The following LIMS2 variants were observed in gnomAD, a reference collection of about 807,000 sequenced individuals.
LIMS2 encodes LIM and senescent cell antigen-like-containing domain protein 2.
In LIMS2, 30 loss-of-function variants were observed where a neutral mutation model predicts 45.3. The ratio of observed to expected loss-of-function variants is 0.66; its 90% CI spans 0.50 to 0.90. The LOEUF (loss-of-function observed/expected upper bound fraction) is 0.90. Ranked by LOEUF, LIMS2 falls within the 40% of genes least tolerant of loss-of-function variation. LIMS2 has a pLI of 0.00. For synonymous variants in LIMS2, 173 were observed against 188.0 expected, an observed-to-expected ratio of 0.92 and a Z score of 0.65; for missense variants, 485 against 468.7, an observed-to-expected ratio of 1.03 and a Z score of -0.32.
At chr2:127,651,072 C>G in intron 4 of LIMS2, 6 of 1,613,794 alleles carry the variant, frequency 3.7e-6, no homozygotes, top group Non-Finnish European at 5.1e-6. Context: ...CCTCTTCTAC[C>G]TCAACATGTA....
intron 4 of LIMS2, among the ~76,000 whole-genome samples, chr2:127,644,547 C>G (rs1682763430): frequency 6.6e-6 from 1 of 152,206 alleles, no homozygotes; most frequent in African/African-American, 2.4e-5. Context: ...CCTGCGGTGC[C>G]TCTGTCCCAG....
In LIMS2 at chr2:127,667,498, G is replaced by A. The variant is rs555264341; in HGVS notation, c.11+7516C>T. Among the ~76,000 whole-genome samples the A allele has an allele frequency of 2.0e-5, 3 of 152,256 alleles. No homozygotes were observed. Among genetic ancestry groups the A allele is most frequent in the South Asian group, 2.1e-4 (1 of 4,824 alleles). The stretch of plus-strand genomic sequence containing the variant: ...CACTCTATAAAAAGTATTATACACC[G>A]TGACCAAATGGGATTTATCCCAAGA... On this transcript the variant is annotated intron_variant, in intron 1 of 9. Transcript: ENST00000355119. This position sits in a 1 kb window ranked among gnomAD's most constrained non-coding sequence, Gnocchi z 4.1.
chr2:127,673,608 C>T, intron 1 of LIMS2: 4 of 1,476,508 alleles, frequency 2.7e-6, no homozygotes, highest in Non-Finnish European at 3.7e-6. Flanking sequence ...CCCATTCCAG[C>T]CCCGCACCCT....
chr2:127,655,102 C>T, intron 2 of LIMS2: 2 of 636,862 alleles, frequency 3.1e-6, no homozygotes, highest in South Asian at 3.6e-5. Flanking sequence ...GGAGGTGCCC[C>T]CGTGGAAGCT....
At position 127,673,664 on chromosome 2, in the gene LIMS2, C is replaced by T. The variant is rs970961365; in HGVS notation, c.11+1350G>A. 2.1e-5 allele frequency: 32 copies of T among 1,551,044 alleles called. No homozygotes were observed. Among genetic ancestry groups the T allele is most frequent in the Admixed American group, 5.9e-5 (3 of 50,986 alleles). ...ACATCCCTCCTGTGCCTGAAGGAAC[C>T]GCCTCTCACCCACCTCCACCTCAAT... is the stretch of plus-strand genomic sequence containing the variant. On this transcript the variant is annotated intron_variant, in intron 1 of 9. Coordinates refer to ENST00000355119, the MANE Select transcript of LIMS2 (RefSeq NM_001161403.3).
chr2:127,674,597 G>C (rs748114647), intron 1 of LIMS2: 21 of 979,538 alleles, frequency 2.1e-5, no homozygotes, highest in Middle Eastern at 5.2e-4. Flanking sequence ...GGAGGAAACG[G>C]AAGGCTCCAG....
rs1683106531 is a variant in LIMS2 at position 127,647,377 on chromosome 2, C to T, written c.360-4305G>A. 6.6e-6 allele frequency among the ~76,000 whole-genome samples: 1 copy of T among 152,164 alleles called. No individual in the cohort carries two copies. Among genetic ancestry groups the T allele is most frequent in the African/African-American group, 2.4e-5 (1 of 41,440 alleles). ...CACTTCCAGCTCCAGGGCCAATGTCCCCTGGTCAAGTGACCTAAGACAAGT... is the reference window on the plus strand; with the variant it reads ...CACTTCCAGCTCCAGGGCCAATGTCTCCTGGTCAAGTGACCTAAGACAAGT... On this transcript the variant is annotated intron_variant, in intron 4 of 9. Transcript: ENST00000355119. This position sits in a 1 kb window ranked among gnomAD's most constrained non-coding sequence, Gnocchi z 4.3.
rs1240531408 is a variant in LIMS2, at chr2:127,642,503, C to T, written c.510-304G>A. ...ACCAGAGGGGGTGTCTGGATAGGCA[C>T]GGAGAGGACTGGAGGGGACGGTGGG... On this transcript the variant is annotated intron_variant, in intron 5 of 9. Transcript: ENST00000355119. The surrounding 1 kb of genome is among the most constrained non-coding windows in gnomAD (Gnocchi z 5.3). The T allele has an allele frequency of 2.5e-5, 6 of 235,630 alleles. No individual in the cohort carries two copies. The highest frequency in any genetic ancestry group is 1.1e-4 in the Admixed American group (2 of 18,842). The allele number at this position is 235,630 out of a possible 1,614,324, so 14.6% of individuals were successfully genotyped here.
In LIMS2 at chr2:127,667,113, T is replaced by A. The variant is rs1278374209; in HGVS notation, c.11+7901A>T. 6.6e-6 allele frequency among the ~76,000 whole-genome samples: 1 copy of A among 152,096 alleles called. No individual in the cohort carries two copies. The highest frequency in any genetic ancestry group is 2.4e-5 in the African/African-American group (1 of 41,408). ...AATTATATCAAAGGTTTAACTAGAA[T>A]TAACACCAAACCTACAAACAAACAT... On this transcript the variant is annotated intron_variant, in intron 1 of 9. Transcript: ENST00000355119. This position sits in a 1 kb window ranked among gnomAD's most constrained non-coding sequence, Gnocchi z 4.1.
At position 127,642,928 on chromosome 2, in the gene LIMS2, G is replaced by C. The variant is rs1372882137; in HGVS notation, c.504C>G (p.His168Gln). 4 of 1,561,720 alleles carry C rather than the reference G, an allele frequency of 2.6e-6. No individual in the cohort carries two copies. The highest frequency in any genetic ancestry group is 3.8e-5 in the Admixed American group (2 of 52,294). Reference protein sequence around the residue: ...AYHPDHFNCTHCGKELTAEAR... With the variant: ...AYHPDHFNCTQCGKELTAEAR... ...GGGCCGGGCTGCGCACCTACCCACAGTGGGTGCAGTTGAAGTGGTCAGGGT... is the reference window on the plus strand; with the variant it reads ...GGGCCGGGCTGCGCACCTACCCACACTGGGTGCAGTTGAAGTGGTCAGGGT... The change falls in exon 5 of 10, where the codon CAC becomes CAG. Residue 168 changes from histidine to glutamine, a missense_variant. Transcript: ENST00000355119. This position sits in a 1 kb window ranked among gnomAD's most constrained non-coding sequence, Gnocchi z 5.3.
At position 127,673,823 on chromosome 2, in the gene LIMS2, A is replaced by G. The variant is rs7591197; in HGVS notation, c.11+1191T>C. On this transcript the variant is annotated intron_variant, in intron 1 of 9. Transcript: ENST00000355119. ...TGGGAGGCAGCCCCGCTAGAACCCT[A>G]GGGGGTGACCACAGGCAGCCAGTGG... 0.2 allele frequency: 262,540 copies of G among 1,319,968 alleles called. 27,577 individuals are homozygous for G. Among genetic ancestry groups the G allele is most frequent in the Middle Eastern group, 0.3 (1,648 of 5,502 alleles). 81.8% of individuals were successfully genotyped at this position (1,319,968 alleles called of 1,614,324 possible).
At chr2:127,657,984 T>G (rs139107655) in intron 1 of LIMS2, among the ~76,000 whole-genome samples, 12 of 152,326 alleles carry the variant, frequency 7.9e-5, no homozygotes, top group African/African-American at 2.9e-4. Context: ...GGTCCACACT[T>G]GAATCCAGAC....
intron 1 of LIMS2, among the ~76,000 whole-genome samples, chr2:127,666,503 G>A (rs78604314): frequency 0.016 from 2,238 of 143,012 alleles, no homozygotes; most frequent in African/African-American, 0.027. Flanking sequence ...CCAGTAAGGA[G>A]GTAGCAGAAT....
chr2:127,649,126 C>T (rs1481183022), intron 4 of LIMS2, among the ~76,000 whole-genome samples: 1 of 126,780 alleles, frequency 7.9e-6, no homozygotes. Context: ...TAAAGAAAAG[C>T]AAGCAAACAA....
At chr2:127,661,148 G>C (rs927297638) in intron 1 of LIMS2, among the ~76,000 whole-genome samples, 7 of 152,254 alleles carry the variant, frequency 4.6e-5, no homozygotes, top group Non-Finnish European at 1.0e-4. Flanking sequence ...GTGTGACACA[G>C]AGAGGCCGGC....
intron 1 of LIMS2, among the ~76,000 whole-genome samples, chr2:127,668,650 C>G (rs1269939395): frequency 2.1e-5 from 2 of 93,666 alleles, no homozygotes; most frequent in African/African-American, 8.5e-5. Flanking sequence ...CCCTGGGTGA[C>G]AGAGTGAGAC....
intron 7 of LIMS2, 133 bp downstream of exon 7, chr2:127,640,763 G>A (rs901299734): frequency 2.6e-6 from 2 of 757,536 alleles, no homozygotes; most frequent in East Asian, 2.5e-5. Flanking sequence ...CAGGAGCCAG[G>A]GCTGAGGGTG....
chr2:127,650,347 A>G (rs1683603533), intron 4 of LIMS2: 4 of 546,670 alleles, frequency 7.3e-6, no homozygotes, highest in Non-Finnish European at 1.3e-5. Context: ...CAGACAGCAC[A>G]CCTCAGAGGC....
chr2:127,651,255 C>T, intron 4 of LIMS2: 1 of 1,606,230 alleles, frequency 6.2e-7, no homozygotes. Context: ...ACAGACCGTG[C>T]AGACCAACCA....
Sources: gnomAD v4.1 joint callset for allele counts (sites outside exome capture counted in the v4.1 genomes callset) on GRCh38, gnomAD v4.1.1 for gene constraint, Gnocchi (gnomAD v3.1) non-coding constraint, MANE v1.5 for transcripts, NCBI Gene and HGNC (gene_info 2026-07-23, HGNC 2026-07-21) for gene names.